The following ZCCHC24 variants were observed in gnomAD, a reference collection of about 807,000 sequenced individuals.
ZCCHC24 encodes zinc finger CCHC domain-containing protein 24.
Under a neutral mutation model 26.2 loss-of-function variants are expected in ZCCHC24, and 10 were observed. The ratio of observed to expected loss-of-function variants is 0.38; its 90% CI spans 0.24 to 0.65. The LOEUF (loss-of-function observed/expected upper bound fraction) is 0.65. Among genes scored for constraint, ZCCHC24 ranks in the 30% least tolerant of loss-of-function variants. The pLI, the probability that ZCCHC24 is intolerant of heterozygous loss-of-function variation, is 0.54. For synonymous variants in ZCCHC24, 144 were observed against 147.1 expected (o/e 0.98, Z 0.15); for missense variants, 243 against 329.1 (o/e 0.74, Z 2.03).
rs1225723892 is a variant in ZCCHC24, at chr10:79,386,164, T to C, written c.*181A>G. The stretch of plus-strand genomic sequence containing the variant: ...TTCCCTGGCCTGTGGGGGGCAGCAA[T>C]GTCAGTAACACTGTTTGTCAACACA... On this transcript the variant is annotated 3_prime_UTR_variant, in exon 4 of 4. Coordinates refer to ENST00000372336, the MANE Select transcript of ZCCHC24 (RefSeq NM_153367.4). 6.6e-6 allele frequency: 4 copies of C among 610,656 alleles called. No individual in the cohort carries two copies. Among genetic ancestry groups the C allele is most frequent in the Non-Finnish European group, 1.2e-5 (4 of 332,142 alleles). 37.8% of individuals were successfully genotyped at this position (610,656 alleles called of 1,614,324 possible).
At chr10:79,443,957 A>T in intron 1 of ZCCHC24, 1 of 1,141,182 alleles carries the variant, frequency 8.8e-7, no homozygotes, top group South Asian at 2.0e-5. Flanking sequence ...CCAGCATTTT[A>T]TATGTCCATG....
intron 1 of ZCCHC24, among the ~76,000 whole-genome samples, chr10:79,441,261 G>T (rs1028554044): frequency 6.6e-6 from 1 of 152,100 alleles, no homozygotes; most frequent in African/African-American, 2.4e-5. Flanking sequence ...TCTGTTGAGG[G>T]CACATCCAAA....
At chr10:79,433,714 G>A (rs555204792) in intron 1 of ZCCHC24, among the ~76,000 whole-genome samples, 4 of 152,164 alleles carry the variant, frequency 2.6e-5, no homozygotes, top group Non-Finnish European at 5.9e-5. Flanking sequence ...AATAAGCTGC[G>A]GACCTTGGGG....
At chr10:79,429,393 C>G (rs1289683030) in intron 2 of ZCCHC24, among the ~76,000 whole-genome samples, 2 of 151,986 alleles carry the variant, frequency 1.3e-5, no homozygotes, top group Non-Finnish European at 2.9e-5. Context: ...ACCAGCCTGG[C>G]CAACATGGTG....
intron 1 of ZCCHC24, among the ~76,000 whole-genome samples, chr10:79,440,478 G>C (rs57559820): frequency 0.27 from 41,554 of 152,074 alleles, 6,102 homozygotes; most frequent in African/African-American, 0.37. Flanking sequence ...TGATAGGATG[G>C]CCCCGTCCAG....
chr10:79,423,581 C>CTATATATATATTTTTTATATATATA, intron 2 of ZCCHC24, among the ~76,000 whole-genome samples: 1 of 53,746 alleles, frequency 1.9e-5, no homozygotes, highest in Non-Finnish European at 3.4e-5. Flanking sequence ...AATATATATA[C>CTATATATATATTTTTTATATATATA]TATATATATA....
intron 2 of ZCCHC24, among the ~76,000 whole-genome samples, chr10:79,415,330 A>G (rs2145995): frequency 0.37 from 56,001 of 152,034 alleles, 10,739 homozygotes; most frequent in Middle Eastern, 0.45. Context: ...GGCCCCTTGA[A>G]GTCAAAATGG....
At chr10:79,408,661 G>A (rs940234136) in intron 2 of ZCCHC24, among the ~76,000 whole-genome samples, 2 of 152,192 alleles carry the variant, frequency 1.3e-5, no homozygotes, top group African/African-American at 4.8e-5. Context: ...AAGGAATGGG[G>A]TGTCGTGGCA....
intron 2 of ZCCHC24, among the ~76,000 whole-genome samples, chr10:79,416,639 C>T (rs886897913): frequency 1.1e-4 from 17 of 152,210 alleles, no homozygotes; most frequent in African/African-American, 3.9e-4. Flanking sequence ...AGCTCCCTGC[C>T]TTTCTTTCCT....
At chr10:79,428,377 T>C (rs1210534114) in intron 2 of ZCCHC24, among the ~76,000 whole-genome samples, 1 of 118,874 alleles carries the variant, frequency 8.4e-6, no homozygotes, top group African/African-American at 3.1e-5. Context: ...AGAATTATTA[T>C]GCAATGGGTA....
chr10:79,429,007 A>G (rs1857088911), intron 2 of ZCCHC24, among the ~76,000 whole-genome samples: 1 of 152,208 alleles, frequency 6.6e-6, no homozygotes, highest in Non-Finnish European at 1.5e-5. Flanking sequence ...CCACAAAAGA[A>G]AGCCCGGGCG....
At chr10:79,444,060 C>T (rs1324947482) in intron 1 of ZCCHC24, 2 of 1,524,700 alleles carry the variant, frequency 1.3e-6, no homozygotes, top group Admixed American at 4.3e-5. Context: ...CATAGGCTTT[C>T]CTCCCCAACC....
intron 3 of ZCCHC24, 70 bp downstream of exon 3, chr10:79,394,206 C>G: frequency 6.4e-7 from 1 of 1,559,260 alleles, no homozygotes; most frequent in Admixed American, 1.8e-5. Context: ...AGGGAGTAAA[C>G]TGAGGTCCGG....
intron 2 of ZCCHC24, among the ~76,000 whole-genome samples, chr10:79,414,101 AG>A (rs1453344594): frequency 6.6e-6 from 1 of 152,184 alleles, no homozygotes; most frequent in African/African-American, 2.4e-5. Context: ...CAAGGAGGTG[AG>A]GGGGCACGTG....
At chr10:79,444,943 G>C (rs1032468824) in intron 1 of ZCCHC24, among the ~76,000 whole-genome samples, 1 of 152,238 alleles carries the variant, frequency 6.6e-6, no homozygotes, top group Admixed American at 6.5e-5. Context: ...GGCAGGGAGA[G>C]GGGGCGGGAG....
At chr10:79,407,757 C>G (rs369886944) in intron 2 of ZCCHC24, among the ~76,000 whole-genome samples, 4 of 152,250 alleles carry the variant, frequency 2.6e-5, no homozygotes, top group African/African-American at 7.2e-5. Flanking sequence ...AGGGTCAGAG[C>G]TGGGAGTGGA....
At chr10:79,414,970 C>T (rs1328981358) in intron 2 of ZCCHC24, among the ~76,000 whole-genome samples, 1 of 152,304 alleles carries the variant, frequency 6.6e-6, no homozygotes, top group East Asian at 1.9e-4. Flanking sequence ...AATGTCAGGC[C>T]TCCCAAGCCT....
intron 1 of ZCCHC24, among the ~76,000 whole-genome samples, chr10:79,434,540 G>A (rs111358253): frequency 2.0e-5 from 3 of 152,244 alleles, no homozygotes; most frequent in Admixed American, 6.5e-5. Context: ...AATTTTACAC[G>A]TATTCAGATA....
chr10:79,388,677 A>G (rs7080954), intron 3 of ZCCHC24, among the ~76,000 whole-genome samples: 90,867 of 152,022 alleles, frequency 0.6, 27,707 homozygotes, highest in East Asian at 0.89. Flanking sequence ...GGACAGGCCA[A>G]AAAGGCCAGA....
Sources: allele counts gnomAD v4.1 joint callset (sites outside exome capture counted in the v4.1 genomes callset), GRCh38; gene constraint gnomAD v4.1.1; transcripts MANE v1.5; gene names NCBI Gene and HGNC (gene_info 2026-07-23, HGNC 2026-07-21).